The following SAMSN1 variants were observed in gnomAD, a reference collection of about 807,000 sequenced individuals.
The protein encoded by SAMSN1 is SAM domain-containing protein SAMSN-1.
A neutral mutation model predicts 42.0 loss-of-function variants in SAMSN1; 31 were observed. The ratio of observed to expected loss-of-function variants is 0.74; its 90% CI spans 0.55 to 1.00. The LOEUF (loss-of-function observed/expected upper bound fraction) is 1.00, where lower values mean the gene tolerates loss of function less well. Among genes scored for constraint, SAMSN1 ranks in the 50% least tolerant of loss-of-function variants. The pLI is 0.00. For missense variants in SAMSN1, 464 were observed against 439.4 expected (o/e 1.06, Z -0.50); for synonymous variants, 178 against 151.9 (o/e 1.17, Z -1.26).
intron 6 of SAMSN1, among the ~76,000 whole-genome samples, chr21:14,594,943 AG>A (rs1205602991): frequency 6.6e-6 from 1 of 152,148 alleles, no homozygotes; most frequent in Non-Finnish European, 1.5e-5. Flanking sequence ...CTTCTGCTGT[AG>A]GGGAGGCCTC....
At position 14,527,760 on chromosome 21, in the gene SAMSN1, T is replaced by TAAAAAAAAAAAAAAAAAAAA. The variant is rs71183427; in HGVS notation, c.58-6559_58-6540dup. Among the ~76,000 whole-genome samples, 6 of 107,876 alleles carry TAAAAAAAAAAAAAAAAAAAA rather than the reference T, an allele frequency of 5.6e-5. 1 individual carries two copies. Among genetic ancestry groups the TAAAAAAAAAAAAAAAAAAAA allele is most frequent in the Non-Finnish European group, 5.4e-5 (3 of 55,690 alleles). 70.8% of individuals were successfully genotyped at this position (107,876 alleles called of 152,430 possible). A position where few individuals can be genotyped will look rare whatever the true frequency, so the allele number is the denominator to read the frequency against. On this transcript the variant is annotated intron_variant, in intron 1 of 7. Transcript: ENST00000400566. ...TTACCTGAAGGAAAGAAACTAGAAC[T>TAAAAAAAAAAAAAAAAAAAA]AAAAAAAAAAAAAAAAAAAAAAATG...
At chr21:14,614,152 CTTGTT>C (rs1321280253) in intron 3 of SAMSN1, among the ~76,000 whole-genome samples, 1 of 152,036 alleles carries the variant, frequency 6.6e-6, no homozygotes, top group Non-Finnish European at 1.5e-5. Flanking sequence ...TGTCATTTGT[CTTGTT>C]TTGTTCTAGT....
intron 2 of SAMSN1, among the ~76,000 whole-genome samples, chr21:14,618,749 A>G (rs547051106): frequency 8.6e-5 from 13 of 151,910 alleles, no homozygotes; most frequent in Admixed American, 2.0e-4. Context: ...TTCCAAAAGA[A>G]AGATACCACT....
At chr21:14,505,413 T>C (rs746100485) in intron 5 of SAMSN1, among the ~76,000 whole-genome samples, 35 of 152,242 alleles carry the variant, frequency 2.3e-4, no homozygotes, top group Middle Eastern at 3.4e-3. Flanking sequence ...AGATATTTCA[T>C]TCAAATGGAC....
chr21:14,637,721 A>G (rs1016342339), intron 2 of SAMSN1, among the ~76,000 whole-genome samples: 5 of 152,226 alleles, frequency 3.3e-5, no homozygotes, highest in Admixed American at 6.5e-5. Context: ...AACTGAAAAA[A>G]AAAAGGTCTT....
chr21:14,521,981 G>T (rs1978518376), intron 1 of SAMSN1, among the ~76,000 whole-genome samples: 1 of 151,176 alleles, frequency 6.6e-6, no homozygotes, highest in Admixed American at 6.6e-5. Context: ...ATCAGAAAAA[G>T]AAGGCACACA....
intron 6 of SAMSN1, among the ~76,000 whole-genome samples, chr21:14,499,711 G>A (rs28385569): frequency 0.18 from 26,712 of 151,900 alleles, 3,253 homozygotes; most frequent in Admixed American, 0.39. Context: ...ATGCTAACCC[G>A]TACATTCTCA....
intron 1 of SAMSN1, among the ~76,000 whole-genome samples, chr21:14,522,103 C>T (rs1369444096): frequency 1.3e-5 from 2 of 152,114 alleles, no homozygotes; most frequent in Admixed American, 1.3e-4. Flanking sequence ...ATCTCTGGGT[C>T]AGTTTCATTC....
At chr21:14,498,783 C>A (rs1987015060) in intron 6 of SAMSN1, among the ~76,000 whole-genome samples, 191 bp from the exon 7 acceptor site, 2 of 152,140 alleles carry the variant, frequency 1.3e-5, no homozygotes, top group Admixed American at 6.5e-5. Context: ...TTGTATAATT[C>A]TCGCCTTTTG....
chr21:14,527,565 T>A (rs991728933), intron 1 of SAMSN1, among the ~76,000 whole-genome samples: 5 of 152,152 alleles, frequency 3.3e-5, no homozygotes, highest in Non-Finnish European at 7.4e-5. Context: ...CTATTCTATC[T>A]CTCTGGTTCA....
chr21:14,623,305 A>T (rs944403777), intron 2 of SAMSN1, among the ~76,000 whole-genome samples: 1 of 152,236 alleles, frequency 6.6e-6, no homozygotes, highest in Non-Finnish European at 1.5e-5. Context: ...AAATGCTCCA[A>T]TTAAAAGACA....
chr21:14,623,425 A>G (rs1007151766), intron 2 of SAMSN1, among the ~76,000 whole-genome samples: 1 of 152,212 alleles, frequency 6.6e-6, no homozygotes, highest in African/African-American at 2.4e-5. Flanking sequence ...AAAGGGATGG[A>G]AGAAGATCTA....
intron 2 of SAMSN1, among the ~76,000 whole-genome samples, chr21:14,628,421 G>A (rs963943986): frequency 6.6e-6 from 1 of 151,664 alleles, no homozygotes; most frequent in Non-Finnish European, 1.5e-5. Context: ...ACTAAAATAT[G>A]AAATAATAAA....
chr21:14,638,629 G>A (rs1202069885), intron 2 of SAMSN1, among the ~76,000 whole-genome samples: 1 of 152,184 alleles, frequency 6.6e-6, no homozygotes, highest in African/African-American at 2.4e-5. Context: ...ATGATTTTCA[G>A]TCCCTACTGT....
intron 1 of SAMSN1, among the ~76,000 whole-genome samples, chr21:14,647,918 C>A (rs1329766871): frequency 6.6e-6 from 1 of 151,740 alleles, no homozygotes; most frequent in Non-Finnish European, 1.5e-5. Flanking sequence ...GATATACAAT[C>A]ATGTCGTCTG....
intron 2 of SAMSN1, among the ~76,000 whole-genome samples, chr21:14,574,201 G>A (rs1324549640): frequency 1.3e-5 from 2 of 152,132 alleles, no homozygotes; most frequent in African/African-American, 2.4e-5. Flanking sequence ...CCCCACCTCA[G>A]ATTGTCCATA....
intron 1 of SAMSN1, among the ~76,000 whole-genome samples, chr21:14,526,292 A>G (rs751838631): frequency 1.3e-5 from 2 of 152,226 alleles, no homozygotes; most frequent in African/African-American, 2.4e-5. Flanking sequence ...TCATTTTAAT[A>G]CATCTAACTT....
chr21:14,538,569 A>G (rs1408799301), intron 1 of SAMSN1, among the ~76,000 whole-genome samples: 1 of 152,188 alleles, frequency 6.6e-6, no homozygotes, highest in Non-Finnish European at 1.5e-5. Flanking sequence ...TCTTTCTTAT[A>G]CCTGGTTAGA....
chr21:14,528,417 G>A (rs1019313903), intron 1 of SAMSN1, among the ~76,000 whole-genome samples: 2 of 152,054 alleles, frequency 1.3e-5, no homozygotes, highest in Non-Finnish European at 2.9e-5. Context: ...TTTTATGCCT[G>A]CCCCAGCCCA....
Sources: gnomAD v4.1 joint callset for allele counts (sites outside exome capture counted in the v4.1 genomes callset) on GRCh38, gnomAD v4.1.1 for gene constraint, MANE v1.5 for transcripts, NCBI Gene and HGNC (gene_info 2026-07-23, HGNC 2026-07-21) for gene names.